ERC2: variants seen among roughly 807,000 people sequenced by gnomAD.
ERC2 encodes ERC protein 2.
ERC2 carries 42 observed loss-of-function variants against 114.8 expected under a neutral mutation model. The ratio of observed to expected loss-of-function variants is 0.37; its 90% CI spans 0.29 to 0.47. The LOEUF (loss-of-function observed/expected upper bound fraction) is 0.47, where lower values mean the gene tolerates loss of function less well. Among genes scored for constraint, ERC2 ranks in the 20% least tolerant of loss-of-function variants. ERC2 has a pLI of 0.99. For synonymous variants in ERC2, 454 were observed against 425.5 expected, an observed-to-expected ratio of 1.07 and a Z score of -0.82; for missense variants, 939 against 1,150.7, an observed-to-expected ratio of 0.82 and a Z score of 2.66.
chr3:56,147,698 G>A (rs1227164012), intron 5 of ERC2, among the ~76,000 whole-genome samples: 1 of 151,992 alleles, frequency 6.6e-6, no homozygotes, highest in Non-Finnish European at 1.5e-5. Context: ...TAGAACAAGA[G>A]AACAGGCATA....
intron 14 of ERC2, among the ~76,000 whole-genome samples, chr3:55,779,641 CA>C (rs1024133382): frequency 6.6e-6 from 1 of 151,526 alleles, no homozygotes; most frequent in African/African-American, 2.4e-5. Flanking sequence ...GCAACACTTG[CA>C]AAAAAAACCC....
At chr3:56,325,616 G>C (rs1027554173) in intron 2 of ERC2, among the ~76,000 whole-genome samples, 1 of 152,142 alleles carries the variant, frequency 6.6e-6, no homozygotes, top group Non-Finnish European at 1.5e-5. Context: ...TGAAAATTAT[G>C]AAGTTGTAAC....
At chr3:55,772,378 G>A (rs954233831) in intron 14 of ERC2, among the ~76,000 whole-genome samples, 3 of 151,628 alleles carry the variant, frequency 2.0e-5, no homozygotes, top group Non-Finnish European at 2.9e-5. Flanking sequence ...GCAGTGGCGC[G>A]ATCTCGGCTC....
chr3:55,878,318 G>A (rs1485470433), intron 14 of ERC2, among the ~76,000 whole-genome samples: 3 of 152,128 alleles, frequency 2.0e-5, no homozygotes, highest in African/African-American at 7.2e-5. Flanking sequence ...TTGGCCGGAA[G>A]ACAGTGTGTC....
intron 17 of ERC2, among the ~76,000 whole-genome samples, chr3:55,548,850 A>T (rs2054945731): frequency 6.6e-6 from 1 of 152,238 alleles, no homozygotes; most frequent in South Asian, 2.1e-4. Flanking sequence ...AACTAAAGAG[A>T]CAGCCACCAC....
intron 3 of ERC2, among the ~76,000 whole-genome samples, chr3:56,277,966 C>A (rs1368683222): frequency 2.0e-5 from 3 of 152,120 alleles, no homozygotes; most frequent in Non-Finnish European, 4.4e-5. Flanking sequence ...ACTGTGACTT[C>A]CTGTAAGGCC....
chr3:56,106,379 G>A (rs1485092944), intron 6 of ERC2, among the ~76,000 whole-genome samples: 2 of 152,208 alleles, frequency 1.3e-5, no homozygotes, highest in Non-Finnish European at 2.9e-5. Flanking sequence ...CCTTCGTGGA[G>A]GTCTGCAACT....
chr3:56,026,736 T>C (rs1473733359), intron 7 of ERC2, among the ~76,000 whole-genome samples: 1 of 152,216 alleles, frequency 6.6e-6, no homozygotes, highest in Non-Finnish European at 1.5e-5. Context: ...TATAGTAAAA[T>C]ACTATAACCA....
At chr3:56,358,840 C>T (rs1416482101) in intron 2 of ERC2, among the ~76,000 whole-genome samples, 1 of 152,212 alleles carries the variant, frequency 6.6e-6, no homozygotes, top group Non-Finnish European at 1.5e-5. Flanking sequence ...TACTACTTGA[C>T]TCCTTGTAAG....
intron 2 of ERC2, among the ~76,000 whole-genome samples, chr3:56,308,184 A>T (rs2056343620): frequency 6.6e-6 from 1 of 152,190 alleles, no homozygotes; most frequent in Non-Finnish European, 1.5e-5. Context: ...GTGGTGGCTT[A>T]GGGGATTTGA....
chr3:55,663,882 CTT>C (rs1285005272), intron 17 of ERC2, among the ~76,000 whole-genome samples: 1 of 152,206 alleles, frequency 6.6e-6, no homozygotes, highest in African/African-American at 2.4e-5. Flanking sequence ...TACACACACT[CTT>C]TGCTGCTATT....
chr3:56,387,227 A>C (rs2059964570), intron 2 of ERC2, among the ~76,000 whole-genome samples: 2 of 152,170 alleles, frequency 1.3e-5, no homozygotes, highest in South Asian at 4.1e-4. Context: ...ATGAGCTGAA[A>C]TTATTTATAA....
chr3:56,462,837 A>G (rs1272500434), intron 1 of ERC2, among the ~76,000 whole-genome samples: 1 of 152,212 alleles, frequency 6.6e-6, no homozygotes, highest in Non-Finnish European at 1.5e-5. Flanking sequence ...GTTTTATGCA[A>G]TAAGAACTAC....
chr3:56,260,353 A>T (rs1402945082), intron 3 of ERC2, among the ~76,000 whole-genome samples: 3 of 74,918 alleles, frequency 4.0e-5, no homozygotes, highest in Non-Finnish European at 3.5e-5. Context: ...CTTACCAAAT[A>T]AGGCAAAAAA....
intron 13 of ERC2, among the ~76,000 whole-genome samples, chr3:55,894,488 G>C (rs1399006179): frequency 6.6e-6 from 1 of 152,080 alleles, no homozygotes; most frequent in Non-Finnish European, 1.5e-5. Context: ...TTGTTACATA[G>C]GTACGTTGCA....
rs111329294 is a variant in ERC2 at position 55,956,040 on chromosome 3, G to A, written c.2268-5480C>T. 1.3e-3 allele frequency among the ~76,000 whole-genome samples: 200 copies of A among 152,264 alleles called. 1 individual carries two copies. The highest frequency in any genetic ancestry group is 2.0e-3 in the Non-Finnish European group (136 of 68,012). ...ACTGGTAAAATGTTTAGAACAGACC[G>A]CAGCATGTTCACTCTTTCACTCTTA... On this transcript the variant is annotated intron_variant, in intron 12 of 17. Transcript: ENST00000288221.
At chr3:55,910,043 T>A (rs561434827) in intron 13 of ERC2, among the ~76,000 whole-genome samples, 1 of 152,286 alleles carries the variant, frequency 6.6e-6, no homozygotes, top group South Asian at 2.1e-4. Context: ...CTAAATATTC[T>A]GTTTAGGTTG....
At chr3:55,800,583 A>T (rs2070965400) in intron 14 of ERC2, among the ~76,000 whole-genome samples, 1 of 152,048 alleles carries the variant, frequency 6.6e-6, no homozygotes, top group African/African-American at 2.4e-5. Context: ...ATGACACAAG[A>T]CCTAAGGTGA....
At chr3:55,827,522 G>T (rs187236271) in intron 14 of ERC2, among the ~76,000 whole-genome samples, 1 of 152,228 alleles carries the variant, frequency 6.6e-6, no homozygotes, top group Non-Finnish European at 1.5e-5. Context: ...TTCTACAAAT[G>T]CTATATCTGA....
Sources: gnomAD v4.1 joint callset for allele counts (sites outside exome capture counted in the v4.1 genomes callset) on GRCh38, gnomAD v4.1.1 for gene constraint, MANE v1.5 for transcripts, NCBI Gene and HGNC (gene_info 2026-07-23, HGNC 2026-07-21) for gene names.